YES1: variants seen among roughly 807,000 people sequenced by gnomAD.
The protein encoded by YES1 is tyrosine-protein kinase Yes.
Under a neutral mutation model 70.4 loss-of-function variants are expected in YES1, and 39 were observed. That is an observed-to-expected ratio of 0.55 (90% CI 0.43 to 0.72). The LOEUF (loss-of-function observed/expected upper bound fraction) is 0.72, where lower values mean the gene tolerates loss of function less well. YES1 is among the 30% of genes least tolerant of loss of function. YES1 has a pLI of 0.00. For synonymous variants in YES1, 198 were observed against 218.6 expected, an observed-to-expected ratio of 0.91 and a Z score of 0.83; for missense variants, 495 against 644.8, an observed-to-expected ratio of 0.77 and a Z score of 2.52.
chr18:796,230 C>T (rs1291051708), intron 1 of YES1, among the ~76,000 whole-genome samples: 1 of 152,108 alleles, frequency 6.6e-6, no homozygotes, highest in African/African-American at 2.4e-5. Context: ...GCTCTGGAGT[C>T]ACAAAGTTAG....
chr18:786,600 C>T (rs555509870), intron 1 of YES1, among the ~76,000 whole-genome samples: 5 of 151,082 alleles, frequency 3.3e-5, no homozygotes, highest in African/African-American at 1.2e-4. Flanking sequence ...AAAATTAATA[C>T]CATATCAGTT....
intron 1 of YES1, among the ~76,000 whole-genome samples, chr18:779,876 A>G (rs1410799545): frequency 1.3e-5 from 2 of 151,080 alleles, no homozygotes; most frequent in African/African-American, 4.9e-5. Context: ...TAAAAACATC[A>G]TCCACTTGTT....
chr18:795,990 T>C (rs1442387960), intron 1 of YES1, among the ~76,000 whole-genome samples: 1 of 150,126 alleles, frequency 6.7e-6, no homozygotes, highest in African/African-American at 2.5e-5. Flanking sequence ...GTCTATATAA[T>C]AAAACTGGGA....
intron 1 of YES1, among the ~76,000 whole-genome samples, chr18:789,163 C>T (rs1906113850): frequency 6.6e-6 from 1 of 152,088 alleles, no homozygotes; most frequent in Non-Finnish European, 1.5e-5. Flanking sequence ...AGAACATATG[C>T]TATAAAACCT....
At chr18:750,528 A>T (rs1371869240) in intron 3 of YES1, among the ~76,000 whole-genome samples, 1 of 152,218 alleles carries the variant, frequency 6.6e-6, no homozygotes, top group African/African-American at 2.4e-5. Context: ...GTGACAACCA[A>T]AAATGTCTCC....
At chr18:786,716 T>C (rs1406914903) in intron 1 of YES1, among the ~76,000 whole-genome samples, 2 of 152,118 alleles carry the variant, frequency 1.3e-5, no homozygotes, top group Non-Finnish European at 2.9e-5. Flanking sequence ...TAAGAACGTA[T>C]GGGAAAATAG....
intron 1 of YES1, among the ~76,000 whole-genome samples, chr18:777,624 T>C (rs1226647679): frequency 6.6e-6 from 1 of 151,780 alleles, no homozygotes; most frequent in Non-Finnish European, 1.5e-5. Flanking sequence ...CTGGCCAACA[T>C]GCTGAAACCC....
intron 10 of YES1, 132 bp from the exon 11 acceptor site, chr18:733,097 A>C: frequency 1.4e-6 from 1 of 715,950 alleles, no homozygotes; most frequent in East Asian, 2.7e-5. Flanking sequence ...AATGTACAAG[A>C]TACATGGGAT....
intron 11 of YES1, among the ~76,000 whole-genome samples, chr18:725,753 G>C (rs1024855684): frequency 6.6e-6 from 1 of 152,192 alleles, no homozygotes; most frequent in Non-Finnish European, 1.5e-5. Flanking sequence ...AGGCATGATG[G>C]CAGGTGCCTG....
intron 1 of YES1, among the ~76,000 whole-genome samples, chr18:811,210 A>G (rs1430686352): frequency 6.6e-6 from 1 of 152,232 alleles, no homozygotes; most frequent in East Asian, 1.9e-4. Context: ...TGGACATAAA[A>G]TTGTGCTTCC....
At chr18:802,262 GAAAAT>G (rs1467015026) in intron 1 of YES1, among the ~76,000 whole-genome samples, 1 of 151,760 alleles carries the variant, frequency 6.6e-6, no homozygotes, top group Admixed American at 6.6e-5. Context: ...AAAAAAGAAA[GAAAAT>G]AAAATAATTA....
intron 6 of YES1, among the ~76,000 whole-genome samples, chr18:743,916 A>C (rs12956481): frequency 4.1e-5 from 6 of 146,302 alleles, no homozygotes; most frequent in Admixed American, 2.7e-4. Flanking sequence ...GAAAAAAAAA[A>C]AAATATATAT....
chr18:776,096 A>G (rs1488065174), intron 1 of YES1, among the ~76,000 whole-genome samples: 1 of 152,192 alleles, frequency 6.6e-6, no homozygotes, highest in African/African-American at 2.4e-5. Context: ...AAGTGTTTGC[A>G]CTGCTAAACA....
intron 11 of YES1, among the ~76,000 whole-genome samples, chr18:729,561 G>A (rs543930586): frequency 6.9e-6 from 1 of 145,878 alleles, no homozygotes; most frequent in African/African-American, 2.5e-5. Flanking sequence ...CTATTTTGAA[G>A]TCTTTTGCTA....
At chr18:750,012 A>T (rs981638531) in intron 3 of YES1, among the ~76,000 whole-genome samples, 2 of 152,240 alleles carry the variant, frequency 1.3e-5, no homozygotes, top group African/African-American at 4.8e-5. Flanking sequence ...GTCTTTAAAT[A>T]GGAAGATAGA....
At chr18:768,639 C>A (rs907205835) in intron 1 of YES1, among the ~76,000 whole-genome samples, 13 of 152,080 alleles carry the variant, frequency 8.5e-5, no homozygotes, top group African/African-American at 3.1e-4. Flanking sequence ...TGACGGTGGT[C>A]CCGTAAGATT....
At chr18:746,571 C>G (rs2080283441) in intron 4 of YES1, among the ~76,000 whole-genome samples, 1 of 151,880 alleles carries the variant, frequency 6.6e-6, no homozygotes, top group South Asian at 2.1e-4. Flanking sequence ...GACAAAAGGA[C>G]AAAACAAAAA....
At chr18:754,534 C>T (rs926657809) in intron 2 of YES1, among the ~76,000 whole-genome samples, 15 of 151,930 alleles carry the variant, frequency 9.9e-5, no homozygotes, top group African/African-American at 3.4e-4. Context: ...GGTGAAACCC[C>T]GTCTCTACTA....
At chr18:769,136 T>C (rs1420965273) in intron 1 of YES1, among the ~76,000 whole-genome samples, 1 of 152,212 alleles carries the variant, frequency 6.6e-6, no homozygotes, top group Non-Finnish European at 1.5e-5. Context: ...ATAGGTATAA[T>C]AGGCTGTACC....
Sources: gnomAD v4.1 joint callset for allele counts (sites outside exome capture counted in the v4.1 genomes callset) on GRCh38, gnomAD v4.1.1 for gene constraint, MANE v1.5 for transcripts, NCBI Gene and HGNC (gene_info 2026-07-23, HGNC 2026-07-21) for gene names.